The following VPS13C variants were observed in gnomAD, a reference collection of about 807,000 sequenced individuals.
VPS13C encodes the protein intermembrane lipid transfer protein VPS13C.
Under a neutral mutation model 456.8 loss-of-function variants are expected in VPS13C, and 358 were observed. The ratio of observed to expected loss-of-function variants is 0.78; its 90% CI spans 0.72 to 0.86. VPS13C has a LOEUF of 0.86. Ranked by LOEUF, VPS13C falls within the 40% of genes least tolerant of loss-of-function variation. The pLI, the probability that VPS13C is intolerant of heterozygous loss-of-function variation, is 0.00. For synonymous variants in VPS13C, 1,578 were observed against 1,486.7 expected (o/e 1.06, Z -1.41); for missense variants, 4,818 against 4,385.4 (o/e 1.10, Z -2.79).
intron 9 of VPS13C, among the ~76,000 whole-genome samples, chr15:62,017,612 T>C (rs1380289544): frequency 6.6e-6 from 1 of 152,184 alleles, no homozygotes; most frequent in Non-Finnish European, 1.5e-5. Flanking sequence ...GTGGTATTAT[T>C]TCTGAGGGCT....
chr15:61,859,762 C>T (rs1253862612), intron 82 of VPS13C, among the ~76,000 whole-genome samples: 1 of 152,064 alleles, frequency 6.6e-6, no homozygotes, highest in Non-Finnish European at 1.5e-5. Flanking sequence ...TTTGTAGCCC[C>T]CTGCCCATTA....
At chr15:61,998,036 T>C (rs761728410) in intron 16 of VPS13C, among the ~76,000 whole-genome samples, 1 of 152,194 alleles carries the variant, frequency 6.6e-6, no homozygotes, top group Non-Finnish European at 1.5e-5. Flanking sequence ...CCCATTCCTC[T>C]GCTACCTTAC....
chr15:61,944,834 G>GA (rs201381681), intron 45 of VPS13C, among the ~76,000 whole-genome samples: 36 of 150,496 alleles, frequency 2.4e-4, no homozygotes, highest in South Asian at 8.4e-4. Flanking sequence ...ATCTTTCTTT[G>GA]AAAAAAAAAT....
intron 66 of VPS13C, among the ~76,000 whole-genome samples, chr15:61,903,953 C>A (rs1159184357): frequency 6.6e-6 from 1 of 152,090 alleles, no homozygotes; most frequent in Admixed American, 6.6e-5. Flanking sequence ...AAACTAGACC[C>A]CTACCTCTTG....
chr15:62,008,473 T>C (rs2046929080), intron 14 of VPS13C, among the ~76,000 whole-genome samples, 182 bp downstream of exon 14: 1 of 152,066 alleles, frequency 6.6e-6, no homozygotes, highest in African/African-American at 2.4e-5. Flanking sequence ...AATATGGACA[T>C]ACAAAAGAAG....
rs2046023083 is a variant in VPS13C, at chr15:61,985,570, A to T, written c.1579-571T>A. Among the ~76,000 whole-genome samples the T allele has an allele frequency of 2.0e-5, 3 of 152,144 alleles. No homozygotes were observed. The South Asian group carries it at 6.2e-4, about 31-fold the overall frequency. On this transcript the variant is annotated intron_variant, in intron 18 of 84. Coordinates refer to ENST00000644861, the MANE Select transcript of VPS13C (RefSeq NM_020821.3). The stretch of plus-strand genomic sequence containing the variant: ...CCGTACCCAGCCCTCTCTTAGTTTT[A>T]AAGGTTATAACAATGAAACAATTAC...
intron 7 of VPS13C, 78 bp downstream of exon 7, chr15:62,023,702 T>A: frequency 7.3e-7 from 1 of 1,378,434 alleles, no homozygotes; most frequent in Admixed American, 2.1e-5. Context: ...TTATCTGACA[T>A]TCATTTCACA....
intron 26 of VPS13C, 54 bp from the exon 27 acceptor site, chr15:61,972,818 T>TG: frequency 6.8e-7 from 1 of 1,475,292 alleles, no homozygotes; most frequent in African/African-American, 1.4e-5. Context: ...GAAAACTGCA[T>TG]GAAACACTCA....
chr15:62,059,876 G>T (rs572459959), intron 1 of VPS13C, among the ~76,000 whole-genome samples: 30 of 152,298 alleles, frequency 2.0e-4, no homozygotes, highest in African/African-American at 7.0e-4. Flanking sequence ...GCCACTTCGA[G>T]CGTATATGAC....
intron 39 of VPS13C, among the ~76,000 whole-genome samples, chr15:61,951,325 T>A (rs1251261005): frequency 6.6e-6 from 1 of 152,044 alleles, no homozygotes; most frequent in African/African-American, 2.4e-5. Context: ...ATACATAAAG[T>A]AGGGATTATT....
Position 61,940,749 on chromosome 15 carries a change from T to C in VPS13C, c.5499A>G (p.Leu1833=). 6.2e-7 allele frequency: 1 copy of C among 1,613,634 alleles called. No individual in the cohort carries two copies. Among genetic ancestry groups the C allele is most frequent in the African/African-American group, 1.3e-5 (1 of 75,042 alleles). The change falls in exon 47 of 85, where the codon TTA becomes TTG. Residue 1833 remains leucine (L), a synonymous_variant. Transcript: ENST00000644861. The part of the protein sequence containing the change: ...ASLPQNDIEI[L]KPVNMLLSIQ... ...TGGACAAAAGCATGTTGACTGGTTT[T>C]AAAATTTCAATGTCATTTTGTGGCA... is the stretch of plus-strand genomic sequence containing the variant.
chr15:61,915,931 A>C lies in VPS13C; in HGVS notation c.8147T>G (p.Val2716Gly), dbSNP rs2043457989. 1 of 1,614,072 alleles carries C rather than the reference A, an allele frequency of 6.2e-7. No homozygotes were observed. Among genetic ancestry groups the C allele is most frequent in the Non-Finnish European group, 8.5e-7 (1 of 1,180,010 alleles). ...ISGEIMELVL[V>G]KYQGKNWNGH... ...ATTCCAGTTTTTGCCCTGGTATTTC[A>C]CCAGGACTAATTCCATTATTTCACC... Residue 2716 changes from valine (V) to glycine (G), a missense_variant, in exon 61 of 85, where the codon GTG becomes GGG. Transcript: ENST00000644861.
chr15:61,919,803 A>ATT (rs1374447398), intron 57 of VPS13C, among the ~76,000 whole-genome samples: 1 of 147,928 alleles, frequency 6.8e-6, no homozygotes, highest in Non-Finnish European at 1.5e-5. Context: ...TTAAAAACAC[A>ATT]TTATATATAT....
chr15:61,908,952 A>G (rs764532375), intron 65 of VPS13C, 40 bp downstream of exon 65: 5 of 1,601,954 alleles, frequency 3.1e-6, no homozygotes, highest in Non-Finnish European at 3.4e-6. Context: ...GTTACTATGA[A>G]CCAATAAAAG....
At chr15:61,995,424 A>G (rs62006964) in intron 16 of VPS13C, among the ~76,000 whole-genome samples, 8,757 of 152,262 alleles carry the variant, frequency 0.058, 316 homozygotes, top group Non-Finnish European at 0.081. Flanking sequence ...CTTGCCCTTG[A>G]GCATGGGCAT....
intron 66 of VPS13C, among the ~76,000 whole-genome samples, chr15:61,894,224 C>T (rs143004209): frequency 0.011 from 1,628 of 151,940 alleles, 32 homozygotes; most frequent in African/African-American, 0.038. Context: ...AGGGGAATTG[C>T]TTGAACCAAG....
chr15:61,998,198 C>A (rs554111676), intron 16 of VPS13C, among the ~76,000 whole-genome samples: 1 of 152,294 alleles, frequency 6.6e-6, no homozygotes, highest in South Asian at 2.1e-4. Flanking sequence ...ATCTTTCTGG[C>A]TGATTGCCCC....
Position 61,920,048 on chromosome 15 carries a change from G to T in VPS13C, c.7477+19C>A. On this transcript the variant is annotated intron_variant, in intron 57 of 84. Transcript: ENST00000644861. Reference sequence around the variant, plus strand: ...CAACAACTGCTAAGATACCCTTAAGGAAAACAAATATAGCCTACCAATGGT... The same window carrying T: ...CAACAACTGCTAAGATACCCTTAAGTAAAACAAATATAGCCTACCAATGGT... The T allele has an allele frequency of 6.4e-7, 1 of 1,554,520 alleles. No homozygotes were observed. Among genetic ancestry groups the T allele is most frequent in the South Asian group, 1.2e-5 (1 of 82,800 alleles).
intron 9 of VPS13C, among the ~76,000 whole-genome samples, chr15:62,016,400 T>G (rs894131817): frequency 2.2e-4 from 33 of 151,310 alleles, no homozygotes; most frequent in African/African-American, 7.3e-4. Flanking sequence ...TAGGTATATC[T>G]CTTAATGCTA....
Sources: gnomAD v4.1 joint callset for allele counts (sites outside exome capture counted in the v4.1 genomes callset) on GRCh38, gnomAD v4.1.1 for gene constraint, MANE v1.5 for transcripts, NCBI Gene and HGNC (gene_info 2026-07-23, HGNC 2026-07-21) for gene names.